PCDH15: variants seen among roughly 807,000 people sequenced by gnomAD.
PCDH15 encodes the protein protocadherin-15.
A neutral mutation model predicts 178.5 loss-of-function variants in PCDH15; 129 were observed. The ratio of observed to expected loss-of-function variants is 0.72; its 90% CI spans 0.63 to 0.84. The LOEUF (loss-of-function observed/expected upper bound fraction) is 0.84. Among genes scored for constraint, PCDH15 ranks in the 40% least tolerant of loss-of-function variants. PCDH15 has a pLI of 0.00. For synonymous variants in PCDH15, 800 were observed against 732.0 expected (o/e 1.09, Z -1.50); for missense variants, 2,230 against 2,099.9 (o/e 1.06, Z -1.21).
Position 54,169,688 on chromosome 10 carries a change from T to C in PCDH15, c.1590+13756A>G, listed in dbSNP as rs181978714. Among the ~76,000 whole-genome samples, 1,103 of 151,836 alleles carry C rather than the reference T, an allele frequency of 7.3e-3. 5 individuals carry two copies. Among genetic ancestry groups the C allele is most frequent in the Non-Finnish European group, 0.012 (820 of 67,946 alleles). On this transcript the variant is annotated intron_variant, in intron 13 of 37. Transcript: ENST00000644397. ...CTACTCCCTCCTTGGCGACCAATCA[T>C]GCACCCCTTACCATCTCATTAAAAC...
intron 1 of PCDH15, among the ~76,000 whole-genome samples, chr10:55,314,466 C>T (rs1843671392): frequency 6.6e-6 from 1 of 151,808 alleles, no homozygotes; most frequent in South Asian, 2.1e-4. Context: ...GGAAACAATT[C>T]CATGTCATTC....
intron 13 of PCDH15, among the ~76,000 whole-genome samples, chr10:54,182,910 C>T (rs1386513108): frequency 4.0e-5 from 6 of 151,644 alleles, no homozygotes; most frequent in Non-Finnish European, 7.4e-5. Context: ...CTATGTTTAC[C>T]TCTAATAACC....
At chr10:55,385,124 A>C (rs565546648) in intron 2 of PCDH15, among the ~76,000 whole-genome samples, 2 of 152,298 alleles carry the variant, frequency 1.3e-5, no homozygotes, top group Admixed American at 1.3e-4. Context: ...GAATTACATG[A>C]CAGTAAATGA....
intron 1 of PCDH15, among the ~76,000 whole-genome samples, chr10:54,774,322 C>G (rs563387634): frequency 6.6e-6 from 1 of 152,100 alleles, no homozygotes; most frequent in African/African-American, 2.4e-5. Context: ...GCCACTGCGC[C>G]CAGCCACTTC....
chr10:54,576,885 G>GA (rs35028150), intron 2 of PCDH15, among the ~76,000 whole-genome samples: 1 of 152,016 alleles, frequency 6.6e-6, no homozygotes, highest in Non-Finnish European at 1.5e-5. Flanking sequence ...AGACATTTGT[G>GA]AAAAAAATAC....
intron 2 of PCDH15, among the ~76,000 whole-genome samples, chr10:54,926,202 A>G (rs1469127914): frequency 6.6e-6 from 1 of 152,164 alleles, no homozygotes; most frequent in Non-Finnish European, 1.5e-5. Flanking sequence ...CTATTGAGAT[A>G]ATCATGTGGC....
At chr10:55,041,749 T>C (rs758785512) in intron 2 of PCDH15, among the ~76,000 whole-genome samples, 75 of 152,292 alleles carry the variant, frequency 4.9e-4, no homozygotes, top group South Asian at 3.5e-3. Flanking sequence ...AATTTTGTGG[T>C]GCCCCAATAT....
intron 8 of PCDH15, among the ~76,000 whole-genome samples, chr10:54,290,381 A>T (rs947588575): frequency 6.6e-6 from 1 of 152,300 alleles, no homozygotes. Context: ...GCCTTACAAG[A>T]GCTTCTGAAG....
Position 55,175,876 on chromosome 10 carries a change from C to T in PCDH15, c.-155-9225G>A, listed in dbSNP as rs374277278. The stretch of plus-strand genomic sequence containing the variant: ...TGAGATGTACCTCTTAACTGCTATA[C>T]GTGTGGCAGCCAGGGCACTATAAGA... On this transcript the variant is annotated intron_variant, in intron 1 of 5. Coordinates refer to the PCDH15 transcript ENST00000458638. 2.5e-4 allele frequency among the ~76,000 whole-genome samples: 38 copies of T among 151,914 alleles called. 1 individual carries two copies. The East Asian group carries it at 4.3e-3, about 17-fold the overall frequency.
At chr10:53,846,023 T>TATACACACACACAC (rs1554829211) in intron 28 of PCDH15, among the ~76,000 whole-genome samples, 2 of 147,042 alleles carry the variant, frequency 1.4e-5, no homozygotes, top group South Asian at 2.2e-4. Flanking sequence ...TGTATGTGTA[T>TATACACACACACAC]ACACACACAC....
At chr10:54,122,566 A>G (rs1256617232) in intron 15 of PCDH15, among the ~76,000 whole-genome samples, 1 of 149,318 alleles carries the variant, frequency 6.7e-6, no homozygotes, top group Non-Finnish European at 1.5e-5. Context: ...GGAAGAAACA[A>G]AAGCATCCAA....
At position 55,263,227 on chromosome 10, in the gene PCDH15, G is replaced by A. The variant is rs563317047; in HGVS notation, c.-156+56372C>T. On this transcript the variant is annotated intron_variant, in intron 1 of 5. Coordinates refer to the PCDH15 transcript ENST00000458638. ...AGTTTTAAACCATCCTAACCGGTCT[G>A]GTAAAAACTCCCAGACTTCACCTCT... Among the ~76,000 whole-genome samples the A allele has an allele frequency of 7.8e-4, 118 of 152,210 alleles. 2 individuals carry two copies. The South Asian group carries it at 0.024, about 31-fold the overall frequency.
intron 17 of PCDH15, among the ~76,000 whole-genome samples, chr10:54,075,586 G>A (rs1590258337): frequency 6.6e-6 from 1 of 152,214 alleles, no homozygotes; most frequent in Middle Eastern, 3.4e-3. Flanking sequence ...CAAATGCAAT[G>A]AAATGATGCT....
At chr10:54,544,348 C>T (rs999950949) in intron 2 of PCDH15, among the ~76,000 whole-genome samples, 1 of 152,088 alleles carries the variant, frequency 6.6e-6, no homozygotes, top group Non-Finnish European at 1.5e-5. Context: ...TTCTCTAAAA[C>T]TGAATATAAT....
chr10:54,931,540 A>T (rs1389550580), intron 2 of PCDH15, among the ~76,000 whole-genome samples: 12 of 152,136 alleles, frequency 7.9e-5, no homozygotes, highest in Admixed American at 7.9e-4. Flanking sequence ...TCCACTTAAT[A>T]TAGTGTGCCT....
intron 1 of PCDH15, among the ~76,000 whole-genome samples, chr10:55,203,822 C>A (rs1840319100): frequency 6.6e-6 from 1 of 152,022 alleles, no homozygotes; most frequent in Non-Finnish European, 1.5e-5. Flanking sequence ...AAAAAGTGTT[C>A]TACTCAATTA....
chr10:55,334,360 T>C (rs1443800671), intron 2 of PCDH15, among the ~76,000 whole-genome samples: 2 of 146,926 alleles, frequency 1.4e-5, no homozygotes, highest in East Asian at 4.1e-4. Context: ...CAGGCTGGAG[T>C]GCAATGGCGT....
intron 2 of PCDH15, among the ~76,000 whole-genome samples, chr10:55,500,236 A>T (rs1840625709): frequency 6.6e-6 from 1 of 151,796 alleles, no homozygotes; most frequent in Admixed American, 6.6e-5. Context: ...AATTTCCTAT[A>T]GTTGCACCAA....
chr10:53,812,074 A>G (rs779504334), intron 35 of PCDH15, among the ~76,000 whole-genome samples: 3 of 152,180 alleles, frequency 2.0e-5, no homozygotes, highest in Non-Finnish European at 4.4e-5. Flanking sequence ...TCTAGTACCC[A>G]GTATTCTTCT....
Sources: gnomAD v4.1 joint callset for allele counts (sites outside exome capture counted in the v4.1 genomes callset) on GRCh38, gnomAD v4.1.1 for gene constraint, MANE v1.5 for transcripts, NCBI Gene and HGNC (gene_info 2026-07-23, HGNC 2026-07-21) for gene names.